SEZ6L: variants seen among roughly 807,000 people sequenced by gnomAD.
SEZ6L encodes the protein seizure 6-like protein.
Under a neutral mutation model 106.2 loss-of-function variants are expected in SEZ6L, and 37 were observed. The ratio of observed to expected loss-of-function variants is 0.35; its 90% CI spans 0.27 to 0.46. The LOEUF is 0.46. Among genes scored for constraint, SEZ6L ranks in the 20% least tolerant of loss-of-function variants. The pLI, the probability that SEZ6L is intolerant of heterozygous loss-of-function variation, is 1.00. For synonymous variants in SEZ6L, 541 were observed against 570.4 expected, an observed-to-expected ratio of 0.95 and a Z score of 0.73; for missense variants, 1,172 against 1,332.8, an observed-to-expected ratio of 0.88 and a Z score of 1.88.
At chr22:26,312,047 C>A in intron 8 of SEZ6L, 85 bp downstream of exon 8, 2 of 1,334,920 alleles carry the variant, frequency 1.5e-6, no homozygotes, top group South Asian at 2.7e-5. Context: ...AGCTTAGAGG[C>A]CTGTCCCCAG....
At chr22:26,226,230 G>A (rs1304447981) in intron 1 of SEZ6L, among the ~76,000 whole-genome samples, 1 of 152,114 alleles carries the variant, frequency 6.6e-6, no homozygotes, top group Non-Finnish European at 1.5e-5. Context: ...CCACCTTCCT[G>A]TTATAAAACC....
chr22:26,230,809 G>A (rs544184296), intron 1 of SEZ6L, among the ~76,000 whole-genome samples: 2 of 152,330 alleles, frequency 1.3e-5, no homozygotes, highest in African/African-American at 4.8e-5. Flanking sequence ...AAGATCCTTA[G>A]GAGGGGAAGA....
At position 26,344,398 on chromosome 22, in the gene SEZ6L, G is replaced by C. The variant is rs139645000; in HGVS notation, c.2213-3321G>C. On this transcript the variant is annotated intron_variant, in intron 10 of 16. Transcript: ENST00000248933. Reference sequence around the variant, plus strand: ...TTTGAGAAGACGTTGGTTATTTGTCGTGTGTTTATTCCTCCAAGTCTAGGA... The same window carrying C: ...TTTGAGAAGACGTTGGTTATTTGTCCTGTGTTTATTCCTCCAAGTCTAGGA... Among the ~76,000 whole-genome samples, 931 of 152,266 alleles carry C rather than the reference G, an allele frequency of 6.1e-3. 1 individual carries two copies. Among genetic ancestry groups the C allele is most frequent in the Non-Finnish European group, 8.0e-3 (542 of 68,034 alleles).
chr22:26,260,773 T>C (rs2079976060), intron 1 of SEZ6L, among the ~76,000 whole-genome samples: 2 of 152,308 alleles, frequency 1.3e-5, no homozygotes, highest in South Asian at 2.1e-4. Context: ...GATCAAATGG[T>C]AGTTCTAGTT....
chr22:26,338,860 T>TTTTTC (rs2082729882), intron 9 of SEZ6L, among the ~76,000 whole-genome samples: 2 of 93,646 alleles, frequency 2.1e-5, no homozygotes, highest in Non-Finnish European at 4.3e-5. Context: ...CCGGACTTTT[T>TTTTTC]TTTTTTCTTT....
chr22:26,207,044 G>A (rs1310535564), intron 1 of SEZ6L, among the ~76,000 whole-genome samples: 1 of 152,194 alleles, frequency 6.6e-6, no homozygotes, highest in Non-Finnish European at 1.5e-5. Flanking sequence ...AAAGCAAAAA[G>A]CATAAATTCA....
rs1198038871 is a variant in SEZ6L, at chr22:26,347,988, G to A, written c.2407+75G>A. 7 of 1,217,024 alleles carry A rather than the reference G, an allele frequency of 5.8e-6. No individual in the cohort carries two copies. The African/African-American group carries it at 9.4e-5, about 16-fold the overall frequency. 75.4% of individuals were successfully genotyped at this position (1,217,024 alleles called of 1,614,324 possible). On this transcript the variant is annotated intron_variant, in intron 11 of 16. Transcript: ENST00000248933. ...TTCTAGGGATCTTTTTTTGGTGGGT[G>A]CAGTGGAGCTGTTTAATGTAGAATC... is the stretch of plus-strand genomic sequence containing the variant.
At chr22:26,212,117 T>G (rs2078178243) in intron 1 of SEZ6L, among the ~76,000 whole-genome samples, 1 of 151,996 alleles carries the variant, frequency 6.6e-6, no homozygotes, top group African/African-American at 2.4e-5. Flanking sequence ...TTCAGAGGCC[T>G]GGGATGAGAG....
intron 1 of SEZ6L, among the ~76,000 whole-genome samples, chr22:26,190,861 A>G (rs1468931449): frequency 2.0e-5 from 3 of 152,194 alleles, no homozygotes; most frequent in Non-Finnish European, 4.4e-5. Context: ...AAAGACTCAT[A>G]AAGGAACTGA....
chr22:26,288,500 C>T (rs1355473845), intron 1 of SEZ6L, among the ~76,000 whole-genome samples: 7 of 152,162 alleles, frequency 4.6e-5, no homozygotes, highest in Non-Finnish European at 1.0e-4. Context: ...TGCCAAGTGA[C>T]ATCAATACCC....
At chr22:26,276,914 T>C (rs1006704099) in intron 1 of SEZ6L, among the ~76,000 whole-genome samples, 4 of 152,202 alleles carry the variant, frequency 2.6e-5, no homozygotes, top group Non-Finnish European at 5.9e-5. Context: ...TGCCAGACTC[T>C]CTGGGCTCAT....
In SEZ6L at chr22:26,331,105, C is replaced by T. The variant is rs142345035; in HGVS notation, c.2016-9331C>T. 6.9e-3 allele frequency among the ~76,000 whole-genome samples: 1,058 copies of T among 152,332 alleles called. 7 individuals are homozygous for T. Among genetic ancestry groups the T allele is most frequent in the African/African-American group, 0.025 (1,023 of 41,582 alleles). On this transcript the variant is annotated intron_variant, in intron 9 of 16. Transcript: ENST00000248933. ...TACCAACCTCACCTACCACCTGCTC[C>T]CCACATCCAGGCTCCTGATTGGTTG...
intron 1 of SEZ6L, among the ~76,000 whole-genome samples, chr22:26,244,177 A>AAGAAAGAG (rs2079243576): frequency 6.6e-6 from 1 of 151,830 alleles, no homozygotes; most frequent in African/African-American, 2.4e-5. Context: ...GAAAGAAAGA[A>AAGAAAGAG]AGAAAGAAAA....
In SEZ6L at chr22:26,206,305, A is replaced by G. The variant is rs577660656; in HGVS notation, c.94+36542A>G. Among the ~76,000 whole-genome samples the G allele has an allele frequency of 1.5e-3, 229 of 152,206 alleles. 1 individual carries two copies. In the South Asian group the frequency reaches 0.017, roughly 11 times the overall value. ...TCCAGAACCACCTCCTTTACCCCCA[A>G]TTCCTGCTCCAGAGAAGTGACAGCA... On this transcript the variant is annotated intron_variant, in intron 1 of 16. Transcript: ENST00000248933.
chr22:26,293,080 G>C lies in SEZ6L; in HGVS notation c.769G>C (p.Glu257Gln), dbSNP rs150517564. Residue 257 changes from glutamate (E) to glutamine (Q), a missense_variant, in exon 2 of 17, where the codon GAG (glutamate) becomes CAG (glutamine). Glu to Gln is a conservative substitution (Grantham distance 29). This residue lies in a region of SEZ6L where 494 missense variants were observed against 445.8 expected (regional missense o/e 1.11). Transcript: ENST00000248933. ...ENELTGSASE[E>Q]SQETTTSTII... ...TGAGCTGACTGGGTCAGCCTCAGAG[G>C]AGAGCCAGGAGACCACTACCTCCAC... 130 of 1,610,382 alleles carry C rather than the reference G, an allele frequency of 8.1e-5. No homozygotes were observed. Among genetic ancestry groups the C allele is most frequent in the Non-Finnish European group, 9.2e-5 (109 of 1,179,580 alleles).
intron 12 of SEZ6L, among the ~76,000 whole-genome samples, chr22:26,352,991 T>C (rs2083328666): frequency 6.6e-6 from 1 of 152,236 alleles, no homozygotes; most frequent in African/African-American, 2.4e-5. Context: ...GCTTCATAGA[T>C]TTCCCTTAAC....
intron 11 of SEZ6L, 51 bp downstream of exon 11, chr22:26,347,964 T>A: frequency 6.9e-7 from 1 of 1,443,978 alleles, no homozygotes; most frequent in Non-Finnish European, 9.2e-7. Context: ...GCAAATCCCT[T>A]CTAGGGATCT....
chr22:26,283,625 A>G (rs1601375574), intron 1 of SEZ6L, among the ~76,000 whole-genome samples: 1 of 152,372 alleles, frequency 6.6e-6, no homozygotes, highest in Admixed American at 6.5e-5. Flanking sequence ...CAGCATTTAT[A>G]TAATATTTTT....
intron 1 of SEZ6L, among the ~76,000 whole-genome samples, chr22:26,173,267 C>A (rs147862853): frequency 6.6e-6 from 1 of 152,262 alleles, no homozygotes; most frequent in African/African-American, 2.4e-5. Context: ...TTAGTAGACA[C>A]CAAGAAAACA....
Sources: gnomAD v4.1 joint callset for allele counts (sites outside exome capture counted in the v4.1 genomes callset) on GRCh38, gnomAD v4.1.1 for gene constraint, gnomAD v4.1.1 regional missense constraint, MANE v1.5 for transcripts, NCBI Gene and HGNC (gene_info 2026-07-23, HGNC 2026-07-21) for gene names.